MYO1E: variants seen among roughly 807,000 people sequenced by gnomAD.
The protein encoded by MYO1E is myosin IE.
In MYO1E, 68 loss-of-function variants were observed where a neutral mutation model predicts 151.1. That is an observed-to-expected ratio of 0.45 (90% confidence interval 0.37 to 0.55). The LOEUF (loss-of-function observed/expected upper bound fraction) is 0.55, where lower values mean the gene tolerates loss of function less well. MYO1E is among the 20% of genes least tolerant of loss of function. The pLI, the probability that MYO1E is intolerant of heterozygous loss-of-function variation, is 0.00. For missense variants in MYO1E, 1,363 were observed against 1,389.3 expected, an observed-to-expected ratio of 0.98 and a Z score of 0.30; for synonymous variants, 601 against 501.7, an observed-to-expected ratio of 1.20 and a Z score of -2.64.
chr15:59,368,835 T>G (rs2080929264), intron 1 of MYO1E, among the ~76,000 whole-genome samples: 1 of 152,178 alleles, frequency 6.6e-6, no homozygotes, highest in African/African-American at 2.4e-5. Flanking sequence ...AATGTCTGCT[T>G]CTTATACTTC....
At chr15:59,278,524 TTGTC>T (rs1231400247) in intron 1 of MYO1E, among the ~76,000 whole-genome samples, 2 of 152,244 alleles carry the variant, frequency 1.3e-5, no homozygotes, top group Admixed American at 1.3e-4. Context: ...CCAAAAATAT[TTGTC>T]TGTCTGCTAC....
intron 4 of MYO1E, among the ~76,000 whole-genome samples, chr15:59,248,486 CAAAAAAA>C (rs71119447): frequency 1.8e-5 from 1 of 57,052 alleles, no homozygotes; most frequent in Non-Finnish European, 3.0e-5. Context: ...GACTCCATCT[CAAAAAAA>C]AAAAAAAAAA....
intron 1 of MYO1E, among the ~76,000 whole-genome samples, chr15:59,277,945 C>T (rs1180220211): frequency 6.6e-6 from 1 of 152,118 alleles, no homozygotes; most frequent in Non-Finnish European, 1.5e-5. Context: ...GAAATGTAAC[C>T]TTTATTTTCC....
At position 59,158,271 on chromosome 15, in the gene MYO1E, T is replaced by A. The variant is rs1239175933; in HGVS notation, c.2878+16A>T. The A allele has an allele frequency of 3.2e-6, 5 of 1,538,576 alleles. No individual in the cohort carries two copies. The highest frequency in any genetic ancestry group is 4.4e-6 in the Non-Finnish European group (5 of 1,131,366). ...CAGATTTAGTGGTCCCAGACTACGG[T>A]ACGTAGCTGGCTTACCTGGGGGAGG... On this transcript the variant is annotated intron_variant, in intron 25 of 27. Transcript: ENST00000288235.
chr15:59,334,034 C>A (rs188939115), intron 1 of MYO1E, among the ~76,000 whole-genome samples: 1 of 152,156 alleles, frequency 6.6e-6, no homozygotes, highest in South Asian at 2.1e-4. Flanking sequence ...ATGACTCACA[C>A]CTGTAATAGC....
intron 19 of MYO1E, among the ~76,000 whole-genome samples, chr15:59,177,100 G>A (rs149941508): frequency 1.5e-3 from 225 of 152,276 alleles, no homozygotes; most frequent in African/African-American, 5.0e-3. Context: ...GCATTGTACC[G>A]ATAAATCACT....
intron 24 of MYO1E, among the ~76,000 whole-genome samples, chr15:59,160,111 T>C (rs1183555524): frequency 2.0e-5 from 3 of 152,144 alleles, no homozygotes; most frequent in African/African-American, 4.8e-5. Flanking sequence ...GCAGGGATTA[T>C]AGGCATGAGC....
At chr15:59,207,377 G>A in intron 14 of MYO1E, 1 of 1,614,036 alleles carries the variant, frequency 6.2e-7, no homozygotes, top group Non-Finnish European at 8.5e-7. Context: ...ATCACAGCAG[G>A]TGCACGCCAA....
At chr15:59,291,742 C>CA (rs2080420995) in intron 1 of MYO1E, among the ~76,000 whole-genome samples, 1 of 30,096 alleles carries the variant, frequency 3.3e-5, no homozygotes, top group Admixed American at 3.3e-4. Flanking sequence ...CAAAGATTAA[C>CA]AAAAAGAGAA....
intron 26 of MYO1E, among the ~76,000 whole-genome samples, chr15:59,144,666 T>C (rs924443918): frequency 7.9e-5 from 12 of 152,100 alleles, no homozygotes; most frequent in Non-Finnish European, 1.3e-4. Context: ...ACAGGAAATC[T>C]GTGTCAACGA....
rs143728683 is a variant in MYO1E at position 59,164,590 on chromosome 15, A to C, written c.2481-1287T>G. ...TCACAAGAGGACTGAGCTGTGGAGA[A>C]TCTTTGAGACCCTGGATCCTTCTTC... On this transcript the variant is annotated intron_variant, in intron 22 of 27. Coordinates refer to ENST00000288235, the MANE Select transcript of MYO1E (RefSeq NM_004998.4). Among the ~76,000 whole-genome samples, 32 of 152,322 alleles carry C rather than the reference A, an allele frequency of 2.1e-4. No homozygotes were observed. In the East Asian group the frequency reaches 5.6e-3, roughly 27 times the overall value.
chr15:59,285,345 T>C (rs1299256958), intron 1 of MYO1E, among the ~76,000 whole-genome samples: 1 of 142,956 alleles, frequency 7.0e-6, no homozygotes, highest in East Asian at 2.0e-4. Context: ...CGCAAGACAC[T>C]GTCTCTTTTT....
chr15:59,206,867 G>C (rs1596364818), intron 14 of MYO1E: 1 of 1,472,648 alleles, frequency 6.8e-7, no homozygotes, highest in East Asian at 2.4e-5. Flanking sequence ...CCTGCCAACG[G>C]CTCTCTTGGC....
At chr15:59,208,381 T>C (rs1417570452) in intron 14 of MYO1E, 1 of 561,062 alleles carries the variant, frequency 1.8e-6, no homozygotes, top group Non-Finnish European at 3.2e-6. Context: ...TATTGTGTTC[T>C]AGAAATTCCG....
intron 19 of MYO1E, among the ~76,000 whole-genome samples, chr15:59,176,186 G>A (rs1319735634): frequency 2.0e-5 from 3 of 152,238 alleles, no homozygotes; most frequent in African/African-American, 7.2e-5. Context: ...AGCCACCTGA[G>A]TAGCTGGGAC....
chr15:59,361,745 C>T (rs775130982), intron 1 of MYO1E, among the ~76,000 whole-genome samples: 1 of 152,164 alleles, frequency 6.6e-6, no homozygotes, highest in Non-Finnish European at 1.5e-5. Context: ...ACATTACTGA[C>T]TCAGTCGTCT....
intron 1 of MYO1E, among the ~76,000 whole-genome samples, chr15:59,333,658 C>G (rs1567017519): frequency 3.9e-5 from 6 of 152,206 alleles, no homozygotes; most frequent in Admixed American, 2.6e-4. Context: ...GGTATCCTTC[C>G]TCTGAGCAAA....
chr15:59,354,831 G>C (rs2080844852), intron 1 of MYO1E, among the ~76,000 whole-genome samples: 1 of 152,128 alleles, frequency 6.6e-6, no homozygotes, highest in South Asian at 2.1e-4. Flanking sequence ...GAAACAGGTA[G>C]AAACCTTCCC....
In MYO1E at chr15:59,205,423, G is replaced by A. The variant is rs140447165; in HGVS notation, c.1593C>T (p.Ile531=). Residue 531 remains isoleucine, a synonymous_variant, in exon 15 of 28, where the codon ATC becomes ATT. Transcript: ENST00000288235. ...ACAGCTCGCTGCTCTGCATAAGCTC[G>A]ATGAGATCCATAAAAAGCACATCCC... ...RNRDVLFMDL[I]ELMQSSELPF... The A allele has an allele frequency of 4.3e-6, 7 of 1,613,958 alleles. No homozygotes were observed. The highest frequency in any genetic ancestry group is 1.7e-5 in the Admixed American group (1 of 59,998).
Sources: gnomAD v4.1 joint callset for allele counts (sites outside exome capture counted in the v4.1 genomes callset) on GRCh38, gnomAD v4.1.1 for gene constraint, MANE v1.5 for transcripts, NCBI Gene and HGNC (gene_info 2026-07-23, HGNC 2026-07-21) for gene names.